Variants in PTPRT observed in about 807,000 individuals in gnomAD.
PTPRT encodes protein tyrosine phosphatase receptor type T.
In PTPRT, 56 loss-of-function variants were observed where a neutral mutation model predicts 176.8. The ratio of observed to expected loss-of-function variants is 0.32; its 90% CI spans 0.26 to 0.40. The LOEUF (loss-of-function observed/expected upper bound fraction) is 0.40, where lower values mean the gene tolerates loss of function less well. Ranked by LOEUF, PTPRT falls within the 10% of genes least tolerant of loss-of-function variation. PTPRT has a pLI of 1.00. For synonymous variants in PTPRT, 783 were observed against 739.0 expected (o/e 1.06, Z -0.96); for missense variants, 1,540 against 1,908.2 (o/e 0.81, Z 3.60).
At chr20:42,745,155 T>C (rs546341116) in intron 6 of PTPRT, among the ~76,000 whole-genome samples, 3 of 152,266 alleles carry the variant, frequency 2.0e-5, no homozygotes, top group African/African-American at 4.8e-5. Flanking sequence ...AGAAGACATA[T>C]GTCAATTTTC....
At chr20:42,976,033 T>C (rs1035254062) in intron 1 of PTPRT, among the ~76,000 whole-genome samples, 1 of 152,036 alleles carries the variant, frequency 6.6e-6, no homozygotes, top group African/African-American at 2.4e-5. Flanking sequence ...GCCAGCGTTA[T>C]CATGCCCATT....
intron 7 of PTPRT, among the ~76,000 whole-genome samples, chr20:42,474,142 G>C (rs1452951694): frequency 6.6e-6 from 1 of 152,102 alleles, no homozygotes; most frequent in African/African-American, 2.4e-5. Flanking sequence ...AATAATAATA[G>C]TGTTCCGCAT....
chr20:42,539,125 G>A (rs2072531281), intron 7 of PTPRT, among the ~76,000 whole-genome samples: 1 of 152,148 alleles, frequency 6.6e-6, no homozygotes, highest in African/African-American at 2.4e-5. Context: ...TGGATCTTCA[G>A]AGCCTAAGTA....
chr20:43,024,719 G>A (rs569106455), intron 1 of PTPRT, among the ~76,000 whole-genome samples: 1 of 152,168 alleles, frequency 6.6e-6, no homozygotes, highest in East Asian at 1.9e-4. Flanking sequence ...CTATTCCATT[G>A]GGCCTGCCCA....
At chr20:43,028,763 G>A (rs1477702434) in intron 1 of PTPRT, among the ~76,000 whole-genome samples, 2 of 152,158 alleles carry the variant, frequency 1.3e-5, no homozygotes, top group Non-Finnish European at 2.9e-5. Context: ...AAACGCCTAG[G>A]AGCAGCAAGA....
At chr20:42,826,894 G>A (rs2078003162) in intron 2 of PTPRT, among the ~76,000 whole-genome samples, 1 of 152,118 alleles carries the variant, frequency 6.6e-6, no homozygotes, top group African/African-American at 2.4e-5. Flanking sequence ...ATTAGAAAAA[G>A]CAGGGGTTGC....
intron 1 of PTPRT, among the ~76,000 whole-genome samples, chr20:42,919,059 G>A (rs140858231): frequency 6.0e-4 from 92 of 152,306 alleles, no homozygotes; most frequent in African/African-American, 2.1e-3. Flanking sequence ...AGGCAAAGCA[G>A]GCAAATGAAA....
intron 7 of PTPRT, among the ~76,000 whole-genome samples, chr20:42,495,211 TA>T (rs935780493): frequency 1.3e-5 from 2 of 152,184 alleles, no homozygotes; most frequent in African/African-American, 4.8e-5. Flanking sequence ...TGGCAAAAGA[TA>T]ATCCAGGAAA....
intron 6 of PTPRT, among the ~76,000 whole-genome samples, chr20:42,749,763 C>T (rs1448554796): frequency 6.6e-6 from 1 of 152,186 alleles, no homozygotes; most frequent in Non-Finnish European, 1.5e-5. Flanking sequence ...GCTCCATAAA[C>T]CTTTATTAAG....
At chr20:42,784,481 C>A (rs1452571986) in intron 3 of PTPRT, among the ~76,000 whole-genome samples, 1 of 151,974 alleles carries the variant, frequency 6.6e-6, no homozygotes, top group Non-Finnish European at 1.5e-5. Context: ...CCCAAGGAGA[C>A]CTGTATAAGA....
chr20:43,167,064 A>T (rs533458690), intron 1 of PTPRT, among the ~76,000 whole-genome samples: 10 of 152,176 alleles, frequency 6.6e-5, no homozygotes, highest in Non-Finnish European at 1.5e-4. Context: ...CCAGCTAACC[A>T]TGCCCCAGCA....
At chr20:42,447,562 AT>A (rs2070755305) in intron 9 of PTPRT, among the ~76,000 whole-genome samples, 1 of 151,930 alleles carries the variant, frequency 6.6e-6, no homozygotes, top group Non-Finnish European at 1.5e-5. Flanking sequence ...TCTGTTGGAG[AT>A]TTTTTTGTTT....
At chr20:42,973,735 A>G (rs1016916135) in intron 1 of PTPRT, among the ~76,000 whole-genome samples, 2 of 152,246 alleles carry the variant, frequency 1.3e-5, no homozygotes, top group African/African-American at 4.8e-5. Flanking sequence ...TTTGAATTTC[A>G]GACAACATAA....
At chr20:42,552,758 G>C (rs1419312259) in intron 7 of PTPRT, among the ~76,000 whole-genome samples, 1 of 152,030 alleles carries the variant, frequency 6.6e-6, no homozygotes, top group Non-Finnish European at 1.5e-5. Flanking sequence ...AAACTAATGA[G>C]TATCCCCAAA....
intron 16 of PTPRT, among the ~76,000 whole-genome samples, chr20:42,186,149 T>C (rs1239118471): frequency 6.6e-6 from 1 of 152,064 alleles, no homozygotes; most frequent in African/African-American, 2.4e-5. Context: ...GCCAGTGATC[T>C]AGATGAGGAG....
chr20:42,172,837 C>T (rs534856769), intron 16 of PTPRT, among the ~76,000 whole-genome samples: 7 of 152,202 alleles, frequency 4.6e-5, no homozygotes, highest in African/African-American at 1.7e-4. Context: ...CAATGGAACA[C>T]TAGCGCTGAG....
intron 7 of PTPRT, among the ~76,000 whole-genome samples, chr20:42,494,750 C>A (rs926473781): frequency 6.7e-6 from 1 of 149,044 alleles, no homozygotes; most frequent in African/African-American, 2.6e-5. Context: ...TACCTAGAAT[C>A]ATAGCTGGCA....
chr20:42,945,561 G>T (rs1291649449), intron 1 of PTPRT, among the ~76,000 whole-genome samples: 1 of 152,148 alleles, frequency 6.6e-6, no homozygotes, highest in Non-Finnish European at 1.5e-5. Context: ...AACAGGGCAG[G>T]GCTTGTCCCA....
At chr20:42,180,273 C>G (rs1427939219) in intron 16 of PTPRT, among the ~76,000 whole-genome samples, 1 of 152,166 alleles carries the variant, frequency 6.6e-6, no homozygotes, top group Non-Finnish European at 1.5e-5. Context: ...GAACAGGGTT[C>G]TAGCTTCCAC....
Sources: gnomAD v4.1 joint callset for allele counts (sites outside exome capture counted in the v4.1 genomes callset) on GRCh38, gnomAD v4.1.1 for gene constraint, MANE v1.5 for transcripts, NCBI Gene and HGNC (gene_info 2026-07-23, HGNC 2026-07-21) for gene names.